APP: variants seen among roughly 807,000 people sequenced by gnomAD.
The protein encoded by APP is amyloid-beta precursor protein.
A neutral mutation model predicts 101.4 loss-of-function variants in APP; 31 were observed. That is an observed-to-expected ratio of 0.31 (90% CI 0.23 to 0.41). The LOEUF (loss-of-function observed/expected upper bound fraction) is 0.41. APP is among the 10% of genes least tolerant of loss of function. The probability of loss-of-function intolerance (pLI) is 1.00; values close to 1 mark genes in which losing one functional copy is unlikely to be tolerated. For synonymous variants in APP, 366 were observed against 364.4 expected, an observed-to-expected ratio of 1.00 and a Z score of -0.05; for missense variants, 839 against 1,003.7, an observed-to-expected ratio of 0.84 and a Z score of 2.22.
chr21:26,143,253 CACTTAGCCTAG>C (rs1040093320), intron 1 of APP, among the ~76,000 whole-genome samples: 4 of 152,146 alleles, frequency 2.6e-5, no homozygotes, highest in Admixed American at 6.5e-5. Flanking sequence ...GCAGGAGGAT[CACTTAGCCTAG>C]GAGTTTGAGA....
chr21:26,126,022 T>C (rs973529121), intron 1 of APP, among the ~76,000 whole-genome samples: 1 of 152,188 alleles, frequency 6.6e-6, no homozygotes, highest in Admixed American at 6.5e-5. Flanking sequence ...AATAACAAAC[T>C]GTACAATCTA....
At position 26,152,305 on chromosome 21, in the gene APP, AAAT is replaced by A. The variant is rs1237236542; in HGVS notation, c.57+18256_57+18258del. ...ATCTCAAAAAAAAAAAAAAAAAAAA[AAAT>A]GGGCCAAGGATCTGAATAGACATTT... On this transcript the variant is annotated intron_variant, in intron 1 of 17. Coordinates refer to ENST00000346798, the MANE Select transcript of APP (RefSeq NM_000484.4). Among the ~76,000 whole-genome samples, 168 of 145,686 alleles carry A rather than the reference AAAT, an allele frequency of 1.2e-3. 4 individuals carry two copies. In the East Asian group the frequency reaches 0.019, roughly 16 times the overall value.
At chr21:26,063,828 A>C (rs1018680243) in intron 3 of APP, among the ~76,000 whole-genome samples, 2 of 152,228 alleles carry the variant, frequency 1.3e-5, no homozygotes, top group Non-Finnish European at 2.9e-5. Context: ...ACTTCCTTCC[A>C]AAGAGTAGAG....
chr21:25,904,114 TAAAG>T (rs2038659463), intron 15 of APP, among the ~76,000 whole-genome samples: 2 of 152,196 alleles, frequency 1.3e-5, no homozygotes, highest in Non-Finnish European at 2.9e-5. Flanking sequence ...ATTATGAGGA[TAAAG>T]AAGAAAATAA....
At chr21:25,950,899 T>A (rs2041046686) in intron 13 of APP, among the ~76,000 whole-genome samples, 1 of 152,156 alleles carries the variant, frequency 6.6e-6, no homozygotes, top group South Asian at 2.1e-4. Flanking sequence ...CATGGATAGT[T>A]TAGGCCAACC....
chr21:25,887,519 A>G (rs1176962765), intron 17 of APP, among the ~76,000 whole-genome samples: 6 of 56,784 alleles, frequency 1.1e-4, no homozygotes, highest in Admixed American at 8.6e-4. Flanking sequence ...GCTTATTTGA[A>G]AAAAAAAAAA....
intron 8 of APP, among the ~76,000 whole-genome samples, chr21:25,990,407 C>A (rs1037269322): frequency 2.6e-5 from 4 of 151,838 alleles, no homozygotes; most frequent in African/African-American, 4.9e-5. Flanking sequence ...TTAAAAGCAA[C>A]CTCAAGTTTG....
chr21:25,946,573 C>T (rs538818479), intron 13 of APP, among the ~76,000 whole-genome samples: 7 of 151,982 alleles, frequency 4.6e-5, no homozygotes, highest in South Asian at 2.1e-4. Context: ...GGCTGAGGCA[C>T]GAGAATCGCT....
chr21:25,964,546 A>G (rs1315497573), intron 11 of APP, among the ~76,000 whole-genome samples: 4 of 152,130 alleles, frequency 2.6e-5, no homozygotes, highest in African/African-American at 7.2e-5. Context: ...TTTATGTTAT[A>G]AAAGGTAGAA....
intron 2 of APP, among the ~76,000 whole-genome samples, chr21:26,110,955 ACTCCAG>A (rs1374151652): frequency 1.3e-5 from 2 of 152,024 alleles, no homozygotes; most frequent in Non-Finnish European, 2.9e-5. Flanking sequence ...AATGCCTGGA[ACTCCAG>A]CTATTTTAAA....
intron 8 of APP, among the ~76,000 whole-genome samples, chr21:25,989,059 G>C (rs1373483338): frequency 6.6e-6 from 1 of 152,126 alleles, no homozygotes; most frequent in South Asian, 2.1e-4. Flanking sequence ...TGCACCCAAC[G>C]TTCCTATCAC....
At position 25,894,597 on chromosome 21, in the gene APP, G is replaced by A. The variant is rs570721545; in HGVS notation, c.2065-2729C>T. 2.0e-5 allele frequency among the ~76,000 whole-genome samples: 3 copies of A among 152,292 alleles called. No individual in the cohort carries two copies. The South Asian group carries it at 6.2e-4, about 32-fold the overall frequency. ...TAACAAGAGAACTAGAATTAGAAGT[G>A]GAGCCTAAAGACATGACTGAACTGC... is the stretch of plus-strand genomic sequence containing the variant. On this transcript the variant is annotated intron_variant, in intron 16 of 17. Coordinates refer to ENST00000346798, the MANE Select transcript of APP (RefSeq NM_000484.4).
chr21:26,011,238 G>T (rs1352953428), intron 6 of APP, among the ~76,000 whole-genome samples: 1 of 151,892 alleles, frequency 6.6e-6, no homozygotes, highest in Non-Finnish European at 1.5e-5. Flanking sequence ...ATCATGCCCG[G>T]CTAATTTTTA....
At chr21:26,010,919 C>G (rs1402867521) in intron 6 of APP, among the ~76,000 whole-genome samples, 1 of 151,278 alleles carries the variant, frequency 6.6e-6, no homozygotes, top group Non-Finnish European at 1.5e-5. Flanking sequence ...CCCAGGTACT[C>G]GGAGACAGAG....
At position 25,975,083 on chromosome 21, in the gene APP, G is replaced by A. The variant is rs1308742170; in HGVS notation, c.1445C>T (p.Ala482Val). The A allele has an allele frequency of 1.2e-6, 2 of 1,614,116 alleles. No individual in the cohort carries two copies. The highest frequency in any genetic ancestry group is 1.7e-6 in the Non-Finnish European group (2 of 1,180,022). ...ALENYITALQ[A>V]VPPRPRHVFN... ...AGCGAGACCTACCCGAGGAGGAACA[G>A]CCTGCAGAGCGGTGATGTAGTTCTC... The change falls in exon 11 of 18, where the codon GCT becomes GTT. Residue 482 changes from alanine (A) to valine (V), a missense_variant. Ala to Val is a moderately conservative substitution (Grantham distance 64, BLOSUM62 0). Transcript: ENST00000346798.
At chr21:26,049,342 C>G (rs1163900300) in intron 5 of APP, among the ~76,000 whole-genome samples, 1 of 152,096 alleles carries the variant, frequency 6.6e-6, no homozygotes, top group Non-Finnish European at 1.5e-5. Context: ...TCAACAAACA[C>G]GTACTGGGCA....
At chr21:25,945,200 A>G (rs537055674) in intron 13 of APP, among the ~76,000 whole-genome samples, 1 of 152,318 alleles carries the variant, frequency 6.6e-6, no homozygotes, top group East Asian at 1.9e-4. Context: ...GTAAAAGATG[A>G]TAGCATGCTA....
intron 5 of APP, among the ~76,000 whole-genome samples, chr21:26,036,292 G>T (rs372398435): frequency 1.2e-3 from 169 of 141,112 alleles, no homozygotes; most frequent in African/African-American, 4.1e-3. Flanking sequence ...GTAGAACTGG[G>T]GGGTGGGCAC....
intron 1 of APP, among the ~76,000 whole-genome samples, chr21:26,138,932 T>C (rs71317451): frequency 9.3e-4 from 141 of 152,352 alleles, no homozygotes; most frequent in Middle Eastern, 3.4e-3. Flanking sequence ...TATTGTCTAC[T>C]TTCTTGGTAA....
Sources: gnomAD v4.1 joint callset for allele counts (sites outside exome capture counted in the v4.1 genomes callset) on GRCh38, gnomAD v4.1.1 for gene constraint, MANE v1.5 for transcripts, NCBI Gene and HGNC (gene_info 2026-07-23, HGNC 2026-07-21) for gene names.